The following CHST15 variants were observed in gnomAD, a reference collection of about 807,000 sequenced individuals.
CHST15 encodes B cell RAG associated protein (GALNAC4S-6ST).
CHST15 carries 30 observed loss-of-function variants against 53.6 expected under a neutral mutation model. That is an observed-to-expected ratio of 0.56 (90% CI 0.42 to 0.76). CHST15 has a LOEUF of 0.76. CHST15 is among the 30% of genes least tolerant of loss of function. The probability of loss-of-function intolerance (pLI) is 0.00; values close to 1 mark genes in which losing one functional copy is unlikely to be tolerated. For synonymous variants in CHST15, 296 were observed against 289.8 expected (o/e 1.02, Z -0.22); for missense variants, 627 against 740.5 (o/e 0.85, Z 1.78).
At chr10:124,056,265 T>G (rs1948377630) in intron 1 of CHST15, among the ~76,000 whole-genome samples, 1 of 151,980 alleles carries the variant, frequency 6.6e-6, no homozygotes, top group African/African-American at 2.4e-5. Context: ...AGAATACAGA[T>G]TTGCAGTCTC....
At chr10:124,043,870 A>AG (rs1947835677) in intron 3 of CHST15, among the ~76,000 whole-genome samples, 1 of 151,172 alleles carries the variant, frequency 6.6e-6, no homozygotes, top group African/African-American at 2.5e-5. Context: ...CACATAGCTG[A>AG]GAACAGCACA....
At chr10:124,038,820 C>T (rs1352446889) in intron 4 of CHST15, 149 bp from the exon 5 acceptor site, 3 of 771,694 alleles carry the variant, frequency 3.9e-6, no homozygotes, top group Non-Finnish European at 6.1e-6. Context: ...GCATCTGGGA[C>T]TCCAAAGAGA....
intron 5 of CHST15, 131 bp downstream of exon 5, chr10:124,038,384 G>A (rs1458788162): frequency 3.0e-6 from 3 of 1,006,366 alleles, no homozygotes; most frequent in African/African-American, 1.6e-5. Flanking sequence ...GGGATTACAG[G>A]CATGAGCCAC....
At position 124,012,440 on chromosome 10, in the gene CHST15, T is replaced by G; in HGVS notation, c.1388A>C (p.Asp463Ala). The change falls in exon 7 of 8, where the codon GAC becomes GCC. Residue 463 changes from aspartate to alanine, a missense_variant. Physicochemically the swap from Asp to Ala is moderately radical, Grantham distance 126. Coordinates refer to ENST00000435907, the MANE Select transcript of CHST15 (RefSeq NM_001270764.2). ...TTGCTTGTCAAAAACGCTGAGCCAGTCCAGAAGGTACACAGCATAGAGCCC... is the reference window on the plus strand; with the variant it reads ...TTGCTTGTCAAAAACGCTGAGCCAGGCCAGAAGGTACACAGCATAGAGCCC... ...QVGLYAVYLL[D>A]WLSVFDKQQF... is the part of the protein sequence containing the mutation. The G allele has an allele frequency of 6.2e-7, 1 of 1,614,140 alleles. No individual in the cohort carries two copies. The highest frequency in any genetic ancestry group is 8.5e-7 in the Non-Finnish European group (1 of 1,180,024).
intron 1 of CHST15, among the ~76,000 whole-genome samples, chr10:124,092,949 C>T (rs1005707618): frequency 1.3e-5 from 2 of 152,238 alleles, no homozygotes; most frequent in Non-Finnish European, 2.9e-5. Context: ...GCGTTCCACG[C>T]GGCTTGCGCC....
chr10:124,062,484 G>A (rs942002653), intron 1 of CHST15, among the ~76,000 whole-genome samples: 7 of 152,108 alleles, frequency 4.6e-5, no homozygotes, highest in Non-Finnish European at 1.5e-5. Context: ...GCCTCCCTTC[G>A]CTGATCTGTA....
intron 5 of CHST15, 21 bp downstream of exon 5, chr10:124,038,494 C>T: frequency 6.2e-7 from 1 of 1,610,600 alleles, no homozygotes; most frequent in Non-Finnish European, 8.5e-7. Flanking sequence ...ACCCCAAATA[C>T]AACACACAGA....
At chr10:124,038,450 AG>A in intron 5 of CHST15, 64 bp downstream of exon 5, 1 of 1,558,426 alleles carries the variant, frequency 6.4e-7, no homozygotes, top group Non-Finnish European at 8.8e-7. Context: ...TTGTCATGAG[AG>A]GGGAACACTG....
intron 1 of CHST15, among the ~76,000 whole-genome samples, chr10:124,065,249 T>C (rs1209156284): frequency 6.6e-6 from 1 of 151,998 alleles, no homozygotes; most frequent in Non-Finnish European, 1.5e-5. Flanking sequence ...CCAGGCATAG[T>C]GGTGGTGCCT....
intron 1 of CHST15, chr10:124,092,434 G>A (rs1416379601): frequency 1.3e-5 from 2 of 152,226 alleles, no homozygotes; most frequent in Non-Finnish European, 2.9e-5. Flanking sequence ...CCCGAGACGC[G>A]GCGGGGCGCA....
At chr10:124,029,567 G>A (rs1033982606) in intron 5 of CHST15, among the ~76,000 whole-genome samples, 2 of 152,158 alleles carry the variant, frequency 1.3e-5, no homozygotes, top group African/African-American at 4.8e-5. Context: ...TCTCAGAGGC[G>A]ACACCAAGCA....
intron 1 of CHST15, among the ~76,000 whole-genome samples, chr10:124,084,485 C>T (rs1949356217): frequency 1.1e-5 from 1 of 91,848 alleles, no homozygotes; most frequent in African/African-American, 5.1e-5. Flanking sequence ...AATGGCCTGC[C>T]CAGCTCCTGC....
chr10:124,050,629 G>C (rs559970133), intron 1 of CHST15, among the ~76,000 whole-genome samples: 1 of 152,324 alleles, frequency 6.6e-6, no homozygotes, highest in South Asian at 2.1e-4. Flanking sequence ...CTGGGTTGGA[G>C]CTACTGCCTT....
Position 124,021,367 on chromosome 10 carries a change from C to A in CHST15, c.1236G>T (p.Ala412=). 6.2e-7 allele frequency: 1 copy of A among 1,613,950 alleles called. No homozygotes were observed. Among genetic ancestry groups the A allele is most frequent in the South Asian group, 1.1e-5 (1 of 91,072 alleles). The change falls in exon 6 of 8, where the codon GCG becomes GCT. Residue 412 remains alanine, a synonymous_variant. Transcript: ENST00000435907. ...CTGTCACTTTCTCATGGAAGTCGTC[C>A]GCGGATTTATTCGAACTTGCAAAGT... ...YLYFASSNKS[A]DDFHEKVTEA...
In CHST15 at chr10:124,045,112, C is replaced by CAAAAAAAAAAAAAAAAAAAAAAAAAA. The variant is rs758243657; in HGVS notation, c.547-219_547-194dup. ...TGCTTTCCTCTCCCCCGCCGCCCCA[C>CAAAAAAAAAAAAAAAAAAAAAAAAAA]AAAAAAAAAAAAAAAAAAAAAAAAA... On this transcript the variant is annotated intron_variant, in intron 2 of 7. Coordinates refer to ENST00000435907, the MANE Select transcript of CHST15 (RefSeq NM_001270764.2). Among the ~76,000 whole-genome samples, 39 of 33,744 alleles carry CAAAAAAAAAAAAAAAAAAAAAAAAAA rather than the reference C, an allele frequency of 1.2e-3. 1 individual carries two copies. Among genetic ancestry groups the CAAAAAAAAAAAAAAAAAAAAAAAAAA allele is most frequent in the Admixed American group, 3.3e-3 (7 of 2,100 alleles). The allele number at this position is 33,744 out of a possible 152,430, so 22.1% of individuals were successfully genotyped here. A position where few individuals can be genotyped will look rare whatever the true frequency, so the allele number is the denominator to read the frequency against.
intron 1 of CHST15, among the ~76,000 whole-genome samples, chr10:124,047,631 A>T (rs1948049072): frequency 6.6e-6 from 1 of 152,220 alleles, no homozygotes; most frequent in Admixed American, 6.5e-5. Context: ...AAGCCACATA[A>T]CCTCTCTGAG....
intron 5 of CHST15, among the ~76,000 whole-genome samples, chr10:124,037,054 C>T (rs1283761780): frequency 6.6e-6 from 1 of 152,170 alleles, no homozygotes; most frequent in Non-Finnish European, 1.5e-5. Context: ...CTGGTGGCTG[C>T]CGGCACTCCT....
rs772319898 is a variant in CHST15 at position 124,042,322 on chromosome 10, T to C, written c.1012A>G (p.Lys338Glu). Reference sequence around the variant, plus strand: ...TTACCGATAATGATTGTATTCATCTTGCTCTGCTCCTTTGCAGAGCTGGCC... The same window carrying C: ...TTACCGATAATGATTGTATTCATCTCGCTCTGCTCCTTTGCAGAGCTGGCC... ...LQASSAKEQS[K>E]MNTIIIGEAS... Residue 338 changes from lysine (K) to glutamate (E), a missense_variant, in exon 4 of 8, where the codon AAG becomes GAG. Lys to Glu is a moderately conservative substitution (Grantham distance 56). Around this residue, in one of 3 missense-constraint regions of CHST15, gnomAD observed 279 missense variants for 371.6 expected, o/e 0.75. Transcript: ENST00000435907. The C allele has an allele frequency of 6.2e-7, 1 of 1,613,812 alleles. No homozygotes were observed. Among genetic ancestry groups the C allele is most frequent in the East Asian group, 2.2e-5 (1 of 44,884 alleles).
In CHST15 at chr10:124,021,343, T is replaced by C. The variant is rs145984674; in HGVS notation, c.1260A>G (p.Thr420=). 15 of 1,614,038 alleles carry C rather than the reference T, an allele frequency of 9.3e-6. No individual in the cohort carries two copies. Among genetic ancestry groups the C allele is most frequent in the Non-Finnish European group, 1.3e-5 (15 of 1,180,042 alleles). Residue 420 remains threonine, a synonymous_variant, in exon 6 of 8, where the codon ACA becomes ACG. Coordinates refer to ENST00000435907, the MANE Select transcript of CHST15 (RefSeq NM_001270764.2). ...KSADDFHEKV[T]EALQLFENCM... is the part of the protein sequence containing the mutation. Reference sequence around the variant, plus strand: ...AATTTTCAAACAGCTGCAGTGCTTCTGTCACTTTCTCATGGAAGTCGTCCG... The same window carrying C: ...AATTTTCAAACAGCTGCAGTGCTTCCGTCACTTTCTCATGGAAGTCGTCCG...
Sources: allele counts gnomAD v4.1 joint callset (sites outside exome capture counted in the v4.1 genomes callset), GRCh38; gene constraint gnomAD v4.1.1; regional missense constraint gnomAD v4.1.1; transcripts MANE v1.5; gene names NCBI Gene and HGNC (gene_info 2026-07-23, HGNC 2026-07-21).